Variants in SORCS3 observed in about 807,000 individuals in gnomAD.
SORCS3 encodes the protein VPS10 domain-containing receptor SorCS3.
SORCS3 carries 57 observed loss-of-function variants against 146.3 expected under a neutral mutation model. The ratio of observed to expected loss-of-function variants is 0.39; its 90% CI spans 0.31 to 0.49. The LOEUF (loss-of-function observed/expected upper bound fraction) is 0.49. SORCS3 is among the 20% of genes least tolerant of loss of function. The probability of loss-of-function intolerance (pLI) is 0.92; values close to 1 mark genes in which losing one functional copy is unlikely to be tolerated. For missense variants in SORCS3, 1,341 were observed against 1,575.5 expected (o/e 0.85, Z 2.52); for synonymous variants, 653 against 618.5 (o/e 1.06, Z -0.83).
At chr10:105,096,975 G>A (rs1271763226) in intron 6 of SORCS3, among the ~76,000 whole-genome samples, 1 of 152,142 alleles carries the variant, frequency 6.6e-6, no homozygotes, top group Non-Finnish European at 1.5e-5. Flanking sequence ...TTTAAAACAT[G>A]ATTACTGAAA....
At chr10:104,879,193 A>C (rs1197553320) in intron 2 of SORCS3, among the ~76,000 whole-genome samples, 1 of 152,220 alleles carries the variant, frequency 6.6e-6, no homozygotes, top group Non-Finnish European at 1.5e-5. Flanking sequence ...CAGTTTTGTA[A>C]GTTAGAAGTC....
At chr10:105,233,811 G>T in intron 20 of SORCS3, among the ~76,000 whole-genome samples, 1 of 152,146 alleles carries the variant, frequency 6.6e-6, no homozygotes, top group East Asian at 1.9e-4. Context: ...GTCTACCATT[G>T]ATGGGCATTT....
intron 1 of SORCS3, among the ~76,000 whole-genome samples, chr10:104,742,816 C>T (rs955568870): frequency 6.6e-6 from 1 of 152,108 alleles, no homozygotes; most frequent in African/African-American, 2.4e-5. Flanking sequence ...GAACAGGGCT[C>T]CATGTTCCAT....
At position 105,095,014 on chromosome 10, in the gene SORCS3, G is replaced by A. The variant is rs181175229; in HGVS notation, c.1093+5175G>A. Among the ~76,000 whole-genome samples the A allele has an allele frequency of 6.6e-5, 10 of 152,274 alleles. No individual in the cohort carries two copies. In the East Asian group the frequency reaches 1.9e-3, roughly 29 times the overall value. ...ATCCTTGCCTGTTTATAATGATAAAGCTTCATGAAGCAATTATATTTCCCC... is the reference window on the plus strand; with the variant it reads ...ATCCTTGCCTGTTTATAATGATAAAACTTCATGAAGCAATTATATTTCCCC... On this transcript the variant is annotated intron_variant, in intron 6 of 26. Coordinates refer to ENST00000369701, the MANE Select transcript of SORCS3 (RefSeq NM_014978.3).
chr10:104,995,352 G>A (rs1325074491), intron 4 of SORCS3, among the ~76,000 whole-genome samples: 1 of 151,984 alleles, frequency 6.6e-6, no homozygotes, highest in Non-Finnish European at 1.5e-5. Flanking sequence ...TAGAGACAGA[G>A]TTTCACCATG....
Position 104,641,852 on chromosome 10 carries a change from G to T in SORCS3, c.525G>T (p.Gly175=), listed in dbSNP as rs776138077. The T allele has an allele frequency of 1.9e-6, 3 of 1,571,896 alleles. No individual in the cohort carries two copies. The highest frequency in any genetic ancestry group is 1.2e-5 in the South Asian group (1 of 85,960). ...REEVKAPRAG[G]SAAEDLRLPS... ...AGGTGAAGGCGCCGCGGGCTGGGGG[G>T]TCGGCGGCTGAAGACCTCCGGCTGC... Residue 175 remains glycine, a synonymous_variant, in exon 1 of 27, where the codon GGG becomes GGT. Coordinates refer to ENST00000369701, the MANE Select transcript of SORCS3 (RefSeq NM_014978.3). The surrounding 1 kb of genome is among the most constrained non-coding windows in gnomAD (Gnocchi z 6.4).
At chr10:104,757,778 G>A (rs1398590873) in intron 1 of SORCS3, among the ~76,000 whole-genome samples, 1 of 151,956 alleles carries the variant, frequency 6.6e-6, no homozygotes, top group Non-Finnish European at 1.5e-5. Context: ...TTAAATGGAG[G>A]TGTTTTCATT....
chr10:104,817,098 A>G (rs2017806319), intron 1 of SORCS3, among the ~76,000 whole-genome samples: 1 of 152,082 alleles, frequency 6.6e-6, no homozygotes, highest in African/African-American at 2.4e-5. Flanking sequence ...CAGCCTCAGT[A>G]CTTTCACCAA....
At chr10:105,066,504 G>T (rs188245591) in intron 5 of SORCS3, among the ~76,000 whole-genome samples, 2 of 152,190 alleles carry the variant, frequency 1.3e-5, no homozygotes, top group African/African-American at 4.8e-5. Flanking sequence ...GAGCTGGTGT[G>T]GGGTCTTGGA....
intron 1 of SORCS3, among the ~76,000 whole-genome samples, chr10:104,738,137 C>T (rs1476302935): frequency 6.6e-6 from 1 of 152,132 alleles, no homozygotes; most frequent in Non-Finnish European, 1.5e-5. Flanking sequence ...TGATCTATAC[C>T]AGTACCATGC....
At chr10:105,120,808 AT>A (rs1366853712) in intron 7 of SORCS3, among the ~76,000 whole-genome samples, 1 of 152,142 alleles carries the variant, frequency 6.6e-6, no homozygotes, top group East Asian at 1.9e-4. Flanking sequence ...AATTGTTTTC[AT>A]TTTATGTATC....
At chr10:105,041,224 CTT>C (rs1401068595) in intron 4 of SORCS3, among the ~76,000 whole-genome samples, 1 of 148,936 alleles carries the variant, frequency 6.7e-6, no homozygotes, top group Non-Finnish European at 1.5e-5. Context: ...AGCAGAATCT[CTT>C]TCTTGCAAAC....
intron 10 of SORCS3, among the ~76,000 whole-genome samples, chr10:105,158,650 G>A (rs1200761138): frequency 5.3e-5 from 8 of 151,960 alleles, no homozygotes; most frequent in Admixed American, 5.2e-4. Flanking sequence ...AGAGGGAAAG[G>A]CACGAGATTG....
At chr10:104,742,288 G>A (rs192426043) in intron 1 of SORCS3, among the ~76,000 whole-genome samples, 2 of 152,292 alleles carry the variant, frequency 1.3e-5, no homozygotes, top group Admixed American at 1.3e-4. Context: ...CAGAAAAGAT[G>A]TGCAAAGTTT....
At chr10:104,922,494 T>A (rs2019097277) in intron 3 of SORCS3, among the ~76,000 whole-genome samples, 1 of 152,174 alleles carries the variant, frequency 6.6e-6, no homozygotes, top group South Asian at 2.1e-4. Context: ...GCAAGGAAGA[T>A]GTGGGCCAGG....
At chr10:104,803,046 T>G (rs1224694295) in intron 1 of SORCS3, among the ~76,000 whole-genome samples, 1 of 152,176 alleles carries the variant, frequency 6.6e-6, no homozygotes. Flanking sequence ...CCCTCTAAGT[T>G]TGTCCTTTTC....
intron 21 of SORCS3, among the ~76,000 whole-genome samples, chr10:105,246,694 G>A (rs186538550): frequency 6.6e-6 from 1 of 152,208 alleles, no homozygotes; most frequent in Non-Finnish European, 1.5e-5. Context: ...ATACAGAAGC[G>A]TGCAGGGCAC....
At chr10:104,932,149 C>G (rs2019214788) in intron 3 of SORCS3, among the ~76,000 whole-genome samples, 1 of 152,128 alleles carries the variant, frequency 6.6e-6, no homozygotes. Context: ...CTTTGCAGAC[C>G]CAAGCTTGTA....
intron 5 of SORCS3, among the ~76,000 whole-genome samples, chr10:105,061,370 C>G (rs1164266355): frequency 1.4e-5 from 2 of 146,476 alleles, no homozygotes; most frequent in African/African-American, 5.1e-5. Context: ...TCTTGGCTCA[C>G]TACAAGCTCC....
Sources: gnomAD v4.1 joint callset for allele counts (sites outside exome capture counted in the v4.1 genomes callset) on GRCh38, gnomAD v4.1.1 for gene constraint, Gnocchi (gnomAD v3.1) non-coding constraint, MANE v1.5 for transcripts, NCBI Gene and HGNC (gene_info 2026-07-23, HGNC 2026-07-21) for gene names.